Variants in TRABD2B observed in about 807,000 individuals in gnomAD.
The protein encoded by TRABD2B is metalloprotease TIKI2.
TRABD2B carries 14 observed loss-of-function variants against 40.1 expected under a neutral mutation model. The observed-to-expected ratio is 0.35, with a 90% CI of 0.23 to 0.55. The LOEUF is 0.55. Ranked by LOEUF, TRABD2B falls within the 20% of genes least tolerant of loss-of-function variation. TRABD2B has a pLI of 0.90. For missense variants in TRABD2B, 541 were observed against 648.6 expected, an observed-to-expected ratio of 0.83 and a Z score of 1.80; for synonymous variants, 263 against 277.0, an observed-to-expected ratio of 0.95 and a Z score of 0.50.
Position 47,994,636 on chromosome 1 carries a change from G to C in TRABD2B, c.103-39C>G. 6.6e-7 allele frequency: 1 copy of C among 1,508,856 alleles called. No homozygotes were observed. Among genetic ancestry groups the C allele is most frequent in the East Asian group, 2.5e-5 (1 of 40,730 alleles). 93.5% of individuals were successfully genotyped at this position (1,508,856 alleles called of 1,614,324 possible). A position where few individuals can be genotyped will look rare whatever the true frequency, so the allele number is the denominator to read the frequency against. On this transcript the variant is annotated intron_variant, in intron 1 of 6. Transcript: ENST00000606738. The surrounding 1 kb of genome is among the most constrained non-coding windows in gnomAD (Gnocchi z 6.7). ...GAAGAGGCAAGGCAGTGAGGCCGAAGGCAACAGAGTAGAGTCAGGGTAGCC... is the reference window on the plus strand; with the variant it reads ...GAAGAGGCAAGGCAGTGAGGCCGAACGCAACAGAGTAGAGTCAGGGTAGCC...
intron 2 of TRABD2B, among the ~76,000 whole-genome samples, chr1:47,848,224 T>A (rs1240849133): frequency 2.0e-5 from 3 of 152,226 alleles, no homozygotes; most frequent in Admixed American, 1.3e-4. Flanking sequence ...AGTAGAGGGC[T>A]GAGAAAAGGG....
intron 2 of TRABD2B, among the ~76,000 whole-genome samples, chr1:47,993,694 G>A (rs764526906): frequency 3.9e-5 from 6 of 152,148 alleles, no homozygotes; most frequent in Non-Finnish European, 8.8e-5. Flanking sequence ...ACACAAACCG[G>A]AAGCCCCCTC....
In TRABD2B at chr1:47,950,297, A is replaced by T. The variant is rs185838072; in HGVS notation, c.666+43737T>A. 2.2e-3 allele frequency among the ~76,000 whole-genome samples: 337 copies of T among 152,228 alleles called. 5 individuals are homozygous for T. The highest frequency in any genetic ancestry group is 6.6e-3 in the African/African-American group (275 of 41,536). On this transcript the variant is annotated intron_variant, in intron 2 of 6. Coordinates refer to ENST00000606738, the MANE Select transcript of TRABD2B (RefSeq NM_001194986.2). ...AAGACTCCGTCTCAAAAGAAAAAAAAAATAATAATAAAAAGAAAGAAGAGA... is the reference window on the plus strand; with the variant it reads ...AAGACTCCGTCTCAAAAGAAAAAAATAATAATAATAAAAAGAAAGAAGAGA...
intron 2 of TRABD2B, among the ~76,000 whole-genome samples, chr1:47,846,215 A>T (rs1480425115): frequency 6.6e-6 from 1 of 152,222 alleles, no homozygotes; most frequent in Non-Finnish European, 1.5e-5. Flanking sequence ...TAATTAAAAA[A>T]CTTGATTACA....
At chr1:47,853,255 G>A (rs1435664927) in intron 2 of TRABD2B, among the ~76,000 whole-genome samples, 1 of 152,142 alleles carries the variant, frequency 6.6e-6, no homozygotes, top group Non-Finnish European at 1.5e-5. Context: ...TGCAGCCTGG[G>A]GCCCAAACCC....
chr1:47,790,256 C>T (rs1291862691), intron 4 of TRABD2B, among the ~76,000 whole-genome samples: 1 of 152,202 alleles, frequency 6.6e-6, no homozygotes, highest in East Asian at 1.9e-4. Context: ...TGAGGCTCAG[C>T]CTGTCCAGCT....
chr1:47,933,204 C>A (rs572147808), intron 2 of TRABD2B, among the ~76,000 whole-genome samples: 1 of 151,632 alleles, frequency 6.6e-6, no homozygotes, highest in African/African-American at 2.4e-5. Context: ...CTCCTGAGTT[C>A]ACGCCATTCT....
intron 2 of TRABD2B, among the ~76,000 whole-genome samples, chr1:47,949,946 A>T (rs922486042): frequency 6.6e-6 from 1 of 152,216 alleles, no homozygotes; most frequent in Non-Finnish European, 1.5e-5. Flanking sequence ...AGAAGGAGGC[A>T]ACTAAGTGCC....
At chr1:47,921,712 A>T (rs1159256567) in intron 2 of TRABD2B, among the ~76,000 whole-genome samples, 1 of 152,138 alleles carries the variant, frequency 6.6e-6, no homozygotes, top group Non-Finnish European at 1.5e-5. Context: ...CCTACTATGG[A>T]TGTGTGCTAT....
At chr1:47,769,590 C>A (rs1027457306) in intron 6 of TRABD2B, among the ~76,000 whole-genome samples, 1 of 152,192 alleles carries the variant, frequency 6.6e-6, no homozygotes, top group Admixed American at 6.5e-5. Flanking sequence ...AAAGCTCAGT[C>A]CCCCAGTCCA....
At chr1:47,818,420 A>G (rs1006990823) in intron 2 of TRABD2B, among the ~76,000 whole-genome samples, 27 of 152,316 alleles carry the variant, frequency 1.8e-4, no homozygotes, top group Admixed American at 3.9e-4. Flanking sequence ...GGTGTTCACA[A>G]TGATATCTAA....
At chr1:47,846,848 A>G (rs1645476662) in intron 2 of TRABD2B, among the ~76,000 whole-genome samples, 1 of 140,280 alleles carries the variant, frequency 7.1e-6, no homozygotes, top group South Asian at 2.6e-4. Context: ...GGTTAAGTTA[A>G]AACATGCATA....
chr1:47,904,429 T>C (rs1298625350), intron 2 of TRABD2B, among the ~76,000 whole-genome samples: 3 of 152,184 alleles, frequency 2.0e-5, no homozygotes, highest in African/African-American at 4.8e-5. Flanking sequence ...GCAACTCTTA[T>C]AGGAGCAAAT....
intron 2 of TRABD2B, among the ~76,000 whole-genome samples, chr1:47,824,733 T>C (rs1345382305): frequency 6.6e-6 from 1 of 152,166 alleles, no homozygotes; most frequent in African/African-American, 2.4e-5. Flanking sequence ...CTCCTGGCCC[T>C]TTAATAGTTC....
intron 2 of TRABD2B, among the ~76,000 whole-genome samples, chr1:47,893,965 C>A (rs1198563684): frequency 6.6e-6 from 1 of 152,180 alleles, no homozygotes; most frequent in Non-Finnish European, 1.5e-5. Context: ...CCCCAAATAA[C>A]CTGCTGTGGA....
intron 2 of TRABD2B, among the ~76,000 whole-genome samples, chr1:47,802,984 CA>C (rs909566341): frequency 5.9e-5 from 9 of 151,960 alleles, no homozygotes; most frequent in African/African-American, 2.2e-4. Flanking sequence ...TTCATGCCTC[CA>C]AATACTAAAA....
chr1:47,798,189 C>G (rs956189770), intron 3 of TRABD2B, among the ~76,000 whole-genome samples: 1 of 152,114 alleles, frequency 6.6e-6, no homozygotes, highest in Admixed American at 6.5e-5. Context: ...GAGAGGACAA[C>G]GAGGAATGTG....
chr1:47,785,013 T>G (rs756057347), intron 4 of TRABD2B, among the ~76,000 whole-genome samples: 3 of 151,756 alleles, frequency 2.0e-5, no homozygotes, highest in Admixed American at 6.6e-5. Context: ...ACTAAGGAGA[T>G]GAGTGAGGAG....
intron 2 of TRABD2B, among the ~76,000 whole-genome samples, chr1:47,927,846 T>C (rs561080999): frequency 1.7e-4 from 26 of 152,356 alleles, no homozygotes; most frequent in Non-Finnish European, 2.6e-4. Flanking sequence ...ATTGCAAGAA[T>C]AATCTTCGCC....
Sources: allele counts gnomAD v4.1 joint callset (sites outside exome capture counted in the v4.1 genomes callset), GRCh38; gene constraint gnomAD v4.1.1; non-coding constraint Gnocchi (gnomAD v3.1); transcripts MANE v1.5; gene names NCBI Gene and HGNC (gene_info 2026-07-23, HGNC 2026-07-21).